Variants in DYNLT2 observed in about 807,000 individuals in gnomAD.
DYNLT2 encodes dynein light chain Tctex-type 2.
In DYNLT2, 24 loss-of-function variants were observed where a neutral mutation model predicts 24.3. The ratio of observed to expected loss-of-function variants is 0.99; its 90% confidence interval spans 0.71 to 1.39. The LOEUF (loss-of-function observed/expected upper bound fraction) is 1.39, where lower values mean the gene tolerates loss of function less well. Ranked by LOEUF, DYNLT2 falls within the 40% of genes most tolerant of loss-of-function variation. The pLI, the probability that DYNLT2 is intolerant of heterozygous loss-of-function variation, is 0.00. For synonymous variants in DYNLT2, 85 were observed against 85.4 expected (o/e 1.00, Z 0.03); for missense variants, 246 against 234.5 (o/e 1.05, Z -0.32).
At chr6:169,745,016 T>A (rs1789763270) in intron 1 of DYNLT2, among the ~76,000 whole-genome samples, 1 of 152,308 alleles carries the variant, frequency 6.6e-6, no homozygotes, top group East Asian at 1.9e-4. Flanking sequence ...AAAGTGGACA[T>A]CCTTGCTTTG....
rs368171737 is a variant in DYNLT2 at position 169,744,244 on chromosome 6, C to T, written c.151G>A (p.Glu51Lys). 293 of 1,613,522 alleles carry T rather than the reference C, an allele frequency of 1.8e-4. No homozygotes were observed. Among genetic ancestry groups the T allele is most frequent in the Non-Finnish European group, 2.4e-4 (287 of 1,179,916 alleles). The part of the protein sequence containing the change: ...YTQILRERLR[E>K]SIHNVQYVEP... ...ACATACTGAACATTGTGAATTGACT[C>T]TCTCAGTCTTTCTCTTAAAATCTGT... The change falls in exon 2 of 4, where the codon GAG (glutamate) becomes AAG (lysine). Residue 51 changes from glutamate to lysine, a missense_variant. Coordinates refer to ENST00000366774, the MANE Select transcript of DYNLT2 (RefSeq NM_174910.3).
chr6:169,737,040 C>T (rs1170868668), downstream of DYNLT2, among the ~76,000 whole-genome samples: 1 of 152,072 alleles, frequency 6.6e-6, no homozygotes, highest in East Asian at 1.9e-4. Context: ...CTATTCTTGT[C>T]TGTATATCTT....
chr6:169,731,547 A>T, the DYNLT2 span, among the ~76,000 whole-genome samples: 1 of 152,318 alleles, frequency 6.6e-6, no homozygotes, highest in South Asian at 2.1e-4. Flanking sequence ...ATACAAAAGA[A>T]GTTCAGTGAA....
At chr6:169,750,741 A>G (rs1336871822) in intron 1 of DYNLT2, 5 of 152,244 alleles carry the variant, frequency 3.3e-5, no homozygotes, top group African/African-American at 1.2e-4. Context: ...TCAAAGCCTA[A>G]TCATATAGAA....
chr6:169,725,974 C>G, the DYNLT2 span: 6 of 152,232 alleles, frequency 3.9e-5, no homozygotes, highest in Admixed American at 3.9e-4. Flanking sequence ...CGTAATCCTC[C>G]TCGTTTTTCC....
chr6:169,726,293 T>G, the DYNLT2 span, among the ~76,000 whole-genome samples: 10 of 151,410 alleles, frequency 6.6e-5, no homozygotes, highest in African/African-American at 2.4e-4. Flanking sequence ...GCAGCTTAGG[T>G]GGGAAAACAA....
At position 169,751,535 on chromosome 6, in the gene DYNLT2, G is replaced by A; in HGVS notation, c.-77C>T. 2 of 1,610,672 alleles carry A rather than the reference G, an allele frequency of 1.2e-6. No individual in the cohort carries two copies. Among genetic ancestry groups the A allele is most frequent in the African/African-American group, 1.3e-5 (1 of 74,924 alleles). Reference sequence around the variant, plus strand: ...AAACGCCCTAGCCAGTCCCGCGAGGGCGGAAGTCTCCCACCTGCGCCTCGT... The same window carrying A: ...AAACGCCCTAGCCAGTCCCGCGAGGACGGAAGTCTCCCACCTGCGCCTCGT... On this transcript the variant is annotated 5_prime_UTR_variant, in exon 1 of 4. Coordinates refer to ENST00000366774, the MANE Select transcript of DYNLT2 (RefSeq NM_174910.3).
rs375961953 is a variant in DYNLT2 at position 169,743,173 on chromosome 6, G to A, written c.393C>T (p.Asp131=). 5 of 1,573,132 alleles carry A rather than the reference G, an allele frequency of 3.2e-6. No individual in the cohort carries two copies. The highest frequency in any genetic ancestry group is 2.6e-6 in the Non-Finnish European group (3 of 1,153,258). The part of the protein sequence containing the change: ...VFSHLSLELA[D]RILLAVKEFG... ...ATTCTTTGACTGCTAACAGTATGCG[G>A]TCTGCCAATTCAAGTGACAAGTGAG... Residue 131 remains aspartate (D), a synonymous_variant, in exon 3 of 4, where the codon GAC becomes GAT. Coordinates refer to ENST00000366774, the MANE Select transcript of DYNLT2 (RefSeq NM_174910.3).
Position 169,744,163 on chromosome 6 carries a change from G to C in DYNLT2, c.232C>G (p.Leu78Val). The C allele has an allele frequency of 1.2e-6, 2 of 1,613,304 alleles. No homozygotes were observed. The highest frequency in any genetic ancestry group is 1.7e-6 in the Non-Finnish European group (2 of 1,179,896). ...GAATTAGCAAACTTTAATTTTGCCA[G>C]GGCACTCTTCCATTCTTTACCTATA... ...ADIGKEWKSA[L>V]AKLKFANSYR... is the part of the protein sequence containing the mutation. Residue 78 changes from leucine to valine, a missense_variant, in exon 2 of 4, where the codon CTG becomes GTG. Leu to Val is a conservative substitution (Grantham distance 32, BLOSUM62 1). Transcript: ENST00000366774.
At chr6:169,747,121 C>T (rs1280937056) in intron 1 of DYNLT2, among the ~76,000 whole-genome samples, 1 of 151,856 alleles carries the variant, frequency 6.6e-6, no homozygotes, top group Non-Finnish European at 1.5e-5. Context: ...CATTTTCTTT[C>T]AATCCTTAAA....
chr6:169,739,001 C>T (rs1789617850), downstream of DYNLT2: 1 of 152,070 alleles, frequency 6.6e-6, no homozygotes, highest in Non-Finnish European at 1.5e-5. Flanking sequence ...AAAAAAAACC[C>T]TTCTCTGCCA....
downstream of DYNLT2, chr6:169,738,854 A>G (rs1232009503): frequency 6.6e-6 from 1 of 152,178 alleles, no homozygotes; most frequent in Non-Finnish European, 1.5e-5. Context: ...GTGATTTTCT[A>G]AGAATAATTC....
chr6:169,737,383 G>C (rs1177489070), downstream of DYNLT2, among the ~76,000 whole-genome samples: 8 of 152,158 alleles, frequency 5.3e-5, no homozygotes, highest in Non-Finnish European at 8.8e-5. Context: ...TGATCATGTG[G>C]AGGAAAAGAG....
At chr6:169,749,017 G>A (rs1294487726) in intron 1 of DYNLT2, among the ~76,000 whole-genome samples, 2 of 152,116 alleles carry the variant, frequency 1.3e-5, no homozygotes, top group Non-Finnish European at 2.9e-5. Context: ...CTTATATTGA[G>A]CCTACATATA....
intron 1 of DYNLT2, among the ~76,000 whole-genome samples, chr6:169,748,935 G>T (rs1789876561): frequency 6.6e-6 from 1 of 151,884 alleles, no homozygotes; most frequent in East Asian, 1.9e-4. Flanking sequence ...TTTTTAAATT[G>T]GGAATAGGCT....
At chr6:169,751,261 G>A in intron 1 of DYNLT2, 78 bp downstream of exon 1, 1 of 1,536,160 alleles carries the variant, frequency 6.5e-7, no homozygotes, top group Non-Finnish European at 8.8e-7. Context: ...GGTGACGGGA[G>A]CGGGGCCCAC....
At chr6:169,749,504 C>G (rs1789894076) in intron 1 of DYNLT2, 1 of 152,224 alleles carries the variant, frequency 6.6e-6, no homozygotes, top group African/African-American at 2.4e-5. Context: ...AACAGGAACT[C>G]ATTCGTGTTA....
the DYNLT2 span, among the ~76,000 whole-genome samples, chr6:169,727,843 G>T: frequency 6.6e-6 from 1 of 152,152 alleles, no homozygotes; most frequent in Non-Finnish European, 1.5e-5. Context: ...GATTACAGGC[G>T]TGAGCCACTG....
At chr6:169,743,628 T>C (rs1270616041) in intron 2 of DYNLT2, among the ~76,000 whole-genome samples, 1 of 152,142 alleles carries the variant, frequency 6.6e-6, no homozygotes, top group African/African-American at 2.4e-5. Flanking sequence ...TTGGTTTTCT[T>C]ATACTGAAGA....
Sources: allele counts gnomAD v4.1 joint callset (sites outside exome capture counted in the v4.1 genomes callset), GRCh38; gene constraint gnomAD v4.1.1; transcripts MANE v1.5; gene names NCBI Gene and HGNC (gene_info 2026-07-23, HGNC 2026-07-21).